The following PRDM4 variants were observed in gnomAD, a reference collection of about 807,000 sequenced individuals.
PRDM4 encodes the protein PR domain zinc finger protein 4.
A neutral mutation model predicts 62.3 loss-of-function variants in PRDM4; 38 were observed. That is an observed-to-expected ratio of 0.61 (90% CI 0.47 to 0.80). PRDM4 has a LOEUF of 0.80. PRDM4 is among the 30% of genes least tolerant of loss of function. The pLI is 0.00. For missense variants in PRDM4, 858 were observed against 997.1 expected (o/e 0.86, Z 1.88); for synonymous variants, 339 against 348.2 (o/e 0.97, Z 0.30).
At position 107,760,548 on chromosome 12, in the gene PRDM4, C is replaced by G; in HGVS notation, c.-33G>C. The G allele has an allele frequency of 6.2e-7, 1 of 1,612,310 alleles. No homozygotes were observed. The stretch of plus-strand genomic sequence containing the variant: ...GGGCCAAATATCAGAGAAAGGAGCG[C>G]TCGGGTGGTGGGGAACAGGCATCAG... On this transcript the variant is annotated 5_prime_UTR_variant, in exon 2 of 12. Coordinates refer to ENST00000228437, the MANE Select transcript of PRDM4 (RefSeq NM_012406.4).
chr12:107,755,914 G>A (rs893066618), intron 3 of PRDM4, among the ~76,000 whole-genome samples: 1 of 152,088 alleles, frequency 6.6e-6, no homozygotes, highest in African/African-American at 2.4e-5. Context: ...GTGAAACCCC[G>A]TTTCTACTAA....
chr12:107,756,255 A>G (rs914182904), intron 3 of PRDM4, among the ~76,000 whole-genome samples: 1 of 152,056 alleles, frequency 6.6e-6, no homozygotes, highest in South Asian at 2.1e-4. Context: ...GTGAGACTCC[A>G]TTTCAAAAAA....
chr12:107,747,789 C>T (rs1256248522), intron 5 of PRDM4, among the ~76,000 whole-genome samples: 1 of 151,976 alleles, frequency 6.6e-6, no homozygotes, highest in Non-Finnish European at 1.5e-5. Context: ...CCACAGTCAT[C>T]TATCTGTCTT....
intron 4 of PRDM4, among the ~76,000 whole-genome samples, chr12:107,752,614 AAC>A (rs999475040): frequency 4.3e-4 from 65 of 152,246 alleles, no homozygotes; most frequent in African/African-American, 1.4e-3. Flanking sequence ...AAACTATCAT[AAC>A]ACAAACTATT....
At position 107,751,924 on chromosome 12, in the gene PRDM4, G is replaced by T; in HGVS notation, c.617C>A (p.Thr206Lys). 6.2e-7 allele frequency: 1 copy of T among 1,614,224 alleles called. No homozygotes were observed. Among genetic ancestry groups the T allele is most frequent in the Admixed American group, 1.7e-5 (1 of 60,024 alleles). ...CGTAAGCTCCTCTGCCATTCCATCTGTCGAAATTGGGCTGGTAACCCTAGA... is the reference window on the plus strand; with the variant it reads ...CGTAAGCTCCTCTGCCATTCCATCTTTCGAAATTGGGCTGGTAACCCTAGA... The part of the protein sequence containing the change: ...NVSRVTSPIS[T>K]DGMAEELTMD... The change falls in exon 5 of 12, where the codon ACA becomes AAA. Residue 206 changes from threonine to lysine, a missense_variant. Thr to Lys is a moderately conservative substitution (Grantham distance 78, BLOSUM62 -1). Around this residue, in one of 3 missense-constraint regions of PRDM4, gnomAD observed 499 missense variants for 546.7 expected, o/e 0.91. Transcript: ENST00000228437.
intron 3 of PRDM4, among the ~76,000 whole-genome samples, chr12:107,755,244 G>C (rs1891026575): frequency 6.6e-6 from 1 of 151,996 alleles, no homozygotes; most frequent in South Asian, 2.1e-4. Flanking sequence ...ACGGGTGTGT[G>C]CCACCATGCG....
chr12:107,760,633 GC>G lies in PRDM4; in HGVS notation c.-119del. The G allele has an allele frequency of 1.5e-6, 2 of 1,334,080 alleles. No homozygotes were observed. The highest frequency in any genetic ancestry group is 2.0e-6 in the Non-Finnish European group (2 of 976,676). The allele number at this position is 1,334,080 out of a possible 1,614,324, so 82.6% of individuals were successfully genotyped here. A position where few individuals can be genotyped will look rare whatever the true frequency, so the allele number is the denominator to read the frequency against. ...TGCTCACAACCGCTGCACCGACGCG[GC>G]CACTCGTCCCCGGGGTCGCCCGGGG... On this transcript the variant is annotated 5_prime_UTR_variant, in exon 2 of 12. An upstream open reading frame in the 5' UTR loses its in-frame stop. Transcript: ENST00000228437.
intron 11 of PRDM4, among the ~76,000 whole-genome samples, chr12:107,734,754 A>T (rs1355189020): frequency 6.6e-6 from 1 of 152,246 alleles, no homozygotes; most frequent in East Asian, 1.9e-4. Flanking sequence ...TGTAAATTCT[A>T]TATGTATTTC....
intron 5 of PRDM4, among the ~76,000 whole-genome samples, chr12:107,747,648 C>T (rs1035517423): frequency 6.6e-6 from 1 of 152,112 alleles, no homozygotes; most frequent in South Asian, 2.1e-4. Flanking sequence ...TGTCCTCCTC[C>T]GTAAATCTTC....
At chr12:107,748,266 T>C (rs901097104) in intron 5 of PRDM4, among the ~76,000 whole-genome samples, 8 of 152,208 alleles carry the variant, frequency 5.3e-5, no homozygotes, top group Non-Finnish European at 8.8e-5. Flanking sequence ...CCACTGCTGC[T>C]AGGACGGTAA....
intron 2 of PRDM4, chr12:107,758,335 C>G (rs1891129188): frequency 6.9e-6 from 1 of 144,610 alleles, no homozygotes; most frequent in African/African-American, 2.6e-5. Context: ...ACTGCTGCCT[C>G]TACCTCCTAG....
Position 107,733,872 on chromosome 12 carries a change from G to C in PRDM4, c.*338C>G, listed in dbSNP as rs1593158373. 2 of 245,074 alleles carry C rather than the reference G, an allele frequency of 8.2e-6. No homozygotes were observed. Among genetic ancestry groups the C allele is most frequent in the Non-Finnish European group, 1.6e-5 (2 of 127,544 alleles). 15.2% of individuals were successfully genotyped at this position (245,074 alleles called of 1,614,324 possible). Reference sequence around the variant, plus strand: ...CCAGCAGGAAAATGGAATAATGGAAGAATGTGAAATAAATCTGATTTGTTT... The same window carrying C: ...CCAGCAGGAAAATGGAATAATGGAACAATGTGAAATAAATCTGATTTGTTT... On this transcript the variant is annotated 3_prime_UTR_variant, in exon 12 of 12. Transcript: ENST00000228437.
In PRDM4 at chr12:107,751,347, CT is replaced by C. The variant is rs1236255539; in HGVS notation, c.1126+67del. 4.4e-5 allele frequency: 65 copies of C among 1,474,370 alleles called. No homozygotes were observed. In the East Asian group the frequency reaches 1.4e-3, roughly 32 times the overall value. The allele number at this position is 1,474,370 out of a possible 1,614,324, so 91.3% of individuals were successfully genotyped here. Reference sequence around the variant, plus strand: ...ACTCCCTTAATGCCAAACTTTACGACTTAACTTGTTAGGGATGGTGGCCCTT... The same window carrying C: ...ACTCCCTTAATGCCAAACTTTACGACTAACTTGTTAGGGATGGTGGCCCTT... On this transcript the variant is annotated intron_variant, in intron 5 of 11. Coordinates refer to ENST00000228437, the MANE Select transcript of PRDM4 (RefSeq NM_012406.4).
Position 107,760,556 on chromosome 12 carries a change from G to C in PRDM4, c.-41C>G, listed in dbSNP as rs1378542096. The C allele has an allele frequency of 1.2e-6, 2 of 1,611,462 alleles. No homozygotes were observed. Among genetic ancestry groups the C allele is most frequent in the Non-Finnish European group, 1.7e-6 (2 of 1,178,780 alleles). On this transcript the variant is annotated 5_prime_UTR_variant, in exon 2 of 12. Coordinates refer to ENST00000228437, the MANE Select transcript of PRDM4 (RefSeq NM_012406.4). ...TATCAGAGAAAGGAGCGCTCGGGTG[G>C]TGGGGAACAGGCATCAGGGTTTGCG...
At chr12:107,752,261 A>C in intron 4 of PRDM4, 52 bp from the exon 5 acceptor site, 4 of 1,343,616 alleles carry the variant, frequency 3.0e-6, no homozygotes, top group Non-Finnish European at 4.2e-6. Context: ...ATTATTAAAG[A>C]ATTCCAAGCA....
intron 3 of PRDM4, among the ~76,000 whole-genome samples, chr12:107,755,473 G>A (rs1363986734): frequency 1.3e-5 from 2 of 152,054 alleles, no homozygotes; most frequent in Non-Finnish European, 2.9e-5. Context: ...CAATCAAGTG[G>A]GTTAACCACT....
At chr12:107,757,345 T>C (rs551223238) in intron 2 of PRDM4, among the ~76,000 whole-genome samples, 45 of 152,334 alleles carry the variant, frequency 3.0e-4, no homozygotes, top group Non-Finnish European at 8.8e-5. Context: ...TGGCTTATTA[T>C]TTCAAACCAG....
At chr12:107,756,745 A>T (rs1046425805) in intron 3 of PRDM4, 87 bp downstream of exon 3, 1 of 1,486,866 alleles carries the variant, frequency 6.7e-7, no homozygotes, top group Non-Finnish European at 9.2e-7. Context: ...TTCTACCCTT[A>T]AAGGGGCTCT....
At chr12:107,751,343 A>G in intron 5 of PRDM4, 72 bp downstream of exon 5, 1 of 1,452,386 alleles carries the variant, frequency 6.9e-7, no homozygotes, top group Non-Finnish European at 9.4e-7. Flanking sequence ...GCCAAACTTT[A>G]CGACTTAACT....
Sources: allele counts gnomAD v4.1 joint callset (sites outside exome capture counted in the v4.1 genomes callset), GRCh38; gene constraint gnomAD v4.1.1; regional missense constraint gnomAD v4.1.1; transcripts MANE v1.5; gene names NCBI Gene and HGNC (gene_info 2026-07-23, HGNC 2026-07-21).